The following ATF7IP variants were observed in gnomAD, a reference collection of about 807,000 sequenced individuals.
The protein encoded by ATF7IP is activating transcription factor 7-interacting protein 1.
In ATF7IP, 23 loss-of-function variants were observed where a neutral mutation model predicts 106.4. The ratio of observed to expected loss-of-function variants is 0.22; its 90% CI spans 0.16 to 0.31. The LOEUF (loss-of-function observed/expected upper bound fraction) is 0.31, where lower values mean the gene tolerates loss of function less well. Among genes scored for constraint, ATF7IP ranks in the 10% least tolerant of loss-of-function variants. The probability of loss-of-function intolerance (pLI) is 1.00; values close to 1 mark genes in which losing one functional copy is unlikely to be tolerated. For missense variants in ATF7IP, 1,334 were observed against 1,524.3 expected (o/e 0.88, Z 2.08); for synonymous variants, 542 against 539.0 (o/e 1.01, Z -0.08).
At chr12:14,429,820 T>A (rs1942033917) in intron 2 of ATF7IP, among the ~76,000 whole-genome samples, 1 of 152,216 alleles carries the variant, frequency 6.6e-6, no homozygotes, top group African/African-American at 2.4e-5. Flanking sequence ...TATTCACTAG[T>A]GTGCAAGTTG....
intron 13 of ATF7IP, among the ~76,000 whole-genome samples, chr12:14,493,980 A>G (rs1177372731): frequency 6.6e-6 from 1 of 151,912 alleles, no homozygotes; most frequent in Non-Finnish European, 1.5e-5. Flanking sequence ...GGTTCTCCAC[A>G]TATGGTCCAA....
chr12:14,389,966 C>T (rs1044736399), intron 1 of ATF7IP, among the ~76,000 whole-genome samples: 4 of 152,176 alleles, frequency 2.6e-5, no homozygotes, highest in Non-Finnish European at 5.9e-5. Flanking sequence ...CAGATTTTAC[C>T]TAAAAATCTA....
chr12:14,497,668 C>G lies in ATF7IP; in HGVS notation c.3408C>G (p.Pro1136=). ...PPQVHTEPPR[P]VHPAPLPEAP... Reference sequence around the variant, plus strand: ...TGTTTCTTCAGGAGCCCCCACGCCCCGTGCACCCAGCACCCTTACCAGAAG... The same window carrying G: ...TGTTTCTTCAGGAGCCCCCACGCCCGGTGCACCCAGCACCCTTACCAGAAG... Residue 1136 remains proline, a synonymous_variant, in exon 15 of 15, where the codon CCC becomes CCG. Transcript: ENST00000261168. 1 of 1,613,488 alleles carries G rather than the reference C, an allele frequency of 6.2e-7. No individual in the cohort carries two copies. The highest frequency in any genetic ancestry group is 8.5e-7 in the Non-Finnish European group (1 of 1,179,544).
chr12:14,454,819 A>G (rs975989732), intron 6 of ATF7IP, among the ~76,000 whole-genome samples: 1 of 152,096 alleles, frequency 6.6e-6, no homozygotes, highest in East Asian at 1.9e-4. Flanking sequence ...TTTATTCTCT[A>G]TGCTTTTATT....
chr12:14,427,562 C>A (rs772674907), intron 2 of ATF7IP, among the ~76,000 whole-genome samples: 2 of 151,998 alleles, frequency 1.3e-5, no homozygotes, highest in Non-Finnish European at 2.9e-5. Flanking sequence ...GTCGGGGTTT[C>A]ATCATGTTGG....
At chr12:14,423,458 G>A (rs147109378) in intron 1 of ATF7IP, among the ~76,000 whole-genome samples, 1 of 150,886 alleles carries the variant, frequency 6.6e-6, no homozygotes, top group Non-Finnish European at 1.5e-5. Flanking sequence ...GGTTGCAAAT[G>A]TAATCTTTCC....
At chr12:14,385,071 T>C in intron 1 of ATF7IP, 1 of 272,546 alleles carries the variant, frequency 3.7e-6, no homozygotes, top group Non-Finnish European at 6.9e-6. Context: ...CAAGACGGGA[T>C]TCACAGGCAT....
chr12:14,474,496 G>A (rs1944183201), intron 10 of ATF7IP, among the ~76,000 whole-genome samples: 1 of 151,508 alleles, frequency 6.6e-6, no homozygotes, highest in Non-Finnish European at 1.5e-5. Flanking sequence ...CGCCTCCCAG[G>A]TTCAAGCGAT....
intron 1 of ATF7IP, among the ~76,000 whole-genome samples, chr12:14,378,465 T>C (rs1938854885): frequency 6.6e-6 from 1 of 152,218 alleles, no homozygotes; most frequent in Non-Finnish European, 1.5e-5. Flanking sequence ...GCTTATAACC[T>C]ATATTAAAAC....
At chr12:14,447,834 T>C (rs888956207) in intron 6 of ATF7IP, among the ~76,000 whole-genome samples, 5 of 152,338 alleles carry the variant, frequency 3.3e-5, no homozygotes, top group South Asian at 4.1e-4. Flanking sequence ...TAAGTCACTT[T>C]ATTGACTTAA....
rs1943438711 is a variant in ATF7IP at position 14,456,687 on chromosome 12, CTTTA to C, written c.2069+57_2069+60del. On this transcript the variant is annotated intron_variant, in intron 7 of 14. Transcript: ENST00000261168. Reference sequence around the variant, plus strand: ...TAAAAACAGAACAAAGTTCTACTTTCTTTATTTGGTCAAAGAATCTTGCAGTGTA... The same window carrying C: ...TAAAAACAGAACAAAGTTCTACTTTCTTTGGTCAAAGAATCTTGCAGTGTA... 9.3e-6 allele frequency: 12 copies of C among 1,288,876 alleles called. 1 individual carries two copies. The Middle Eastern group carries it at 1.1e-3, about 119-fold the overall frequency. The allele number at this position is 1,288,876 out of a possible 1,614,324, so 79.8% of individuals were successfully genotyped here. A position where few individuals can be genotyped will look rare whatever the true frequency, so the allele number is the denominator to read the frequency against.
chr12:14,386,198 C>G (rs1224207191), intron 1 of ATF7IP, among the ~76,000 whole-genome samples: 5 of 151,912 alleles, frequency 3.3e-5, no homozygotes, highest in African/African-American at 1.2e-4. Context: ...AGAAATATAG[C>G]TCAATGATTT....
intron 9 of ATF7IP, 94 bp downstream of exon 9, chr12:14,461,227 G>T: frequency 9.0e-7 from 1 of 1,114,388 alleles, no homozygotes; most frequent in South Asian, 2.0e-5. Flanking sequence ...TAGCGTTATT[G>T]GAAGTACAAA....
intron 13 of ATF7IP, among the ~76,000 whole-genome samples, chr12:14,493,776 G>A (rs1944906172): frequency 6.6e-6 from 1 of 152,168 alleles, no homozygotes; most frequent in African/African-American, 2.4e-5. Context: ...CATGATAAGA[G>A]CTTGTGTCTG....
chr12:14,394,496 G>T (rs917015837), intron 1 of ATF7IP, among the ~76,000 whole-genome samples: 3 of 152,170 alleles, frequency 2.0e-5, no homozygotes, highest in Non-Finnish European at 1.5e-5. Context: ...GTCAGTACAT[G>T]TTGGGGAACG....
In ATF7IP at chr12:14,402,194, T is replaced by G. The variant is rs140187365; in HGVS notation, c.-7-21715T>G. Among the ~76,000 whole-genome samples the G allele has an allele frequency of 2.6e-3, 395 of 149,560 alleles. 1 individual carries two copies. Among genetic ancestry groups the G allele is most frequent in the African/African-American group, 9.0e-3 (365 of 40,618 alleles). ...CCGGACTGGAGTGCAGTGGCATGAT[T>G]ATAGTTCACTGCAGCCTTAACTTCT... On this transcript the variant is annotated intron_variant, in intron 1 of 14. Transcript: ENST00000261168.
intron 10 of ATF7IP, 85 bp from the exon 11 acceptor site, chr12:14,475,805 C>A (rs763913828): frequency 2.3e-5 from 24 of 1,055,114 alleles, no homozygotes; most frequent in South Asian, 3.2e-5. Flanking sequence ...TCATTAGTCT[C>A]ATTTTACCTC....
At chr12:14,491,733 T>C (rs80231639) in intron 13 of ATF7IP, among the ~76,000 whole-genome samples, 4 of 152,182 alleles carry the variant, frequency 2.6e-5, no homozygotes, top group South Asian at 2.1e-4. Flanking sequence ...AAAGGATTTG[T>C]CAAGTCAATG....
At chr12:14,416,013 G>A (rs977868205) in intron 1 of ATF7IP, among the ~76,000 whole-genome samples, 1 of 152,118 alleles carries the variant, frequency 6.6e-6, no homozygotes, top group Non-Finnish European at 1.5e-5. Flanking sequence ...TACTAAATTT[G>A]AGCAGATAAG....
Sources: allele counts gnomAD v4.1 joint callset (sites outside exome capture counted in the v4.1 genomes callset), GRCh38; gene constraint gnomAD v4.1.1; transcripts MANE v1.5; gene names NCBI Gene and HGNC (gene_info 2026-07-23, HGNC 2026-07-21).